Variants in LINGO2 observed in about 807,000 individuals in gnomAD.
The protein encoded by LINGO2 is leucine-rich repeat and immunoglobulin-like domain-containing nogo receptor-interacting protein 2.
Under a neutral mutation model 30.6 loss-of-function variants are expected in LINGO2, and 14 were observed. The observed-to-expected ratio is 0.46, with a 90% CI of 0.30 to 0.72. LINGO2 has a LOEUF of 0.72. Ranked by LOEUF, LINGO2 falls within the 30% of genes least tolerant of loss-of-function variation. The probability of loss-of-function intolerance (pLI) is 0.07; values close to 1 mark genes in which losing one functional copy is unlikely to be tolerated. For missense variants in LINGO2, 729 were observed against 751.7 expected (o/e 0.97, Z 0.35); for synonymous variants, 317 against 288.5 (o/e 1.10, Z -1.00).
chr9:28,793,439 G>C, the LINGO2 span, among the ~76,000 whole-genome samples: 1 of 152,118 alleles, frequency 6.6e-6, no homozygotes, highest in Non-Finnish European at 1.5e-5. Flanking sequence ...TCTGCCTTTT[G>C]CGGAGAGTTG....
At chr9:28,593,141 A>T (rs1825003929) in intron 1 of LINGO2, among the ~76,000 whole-genome samples, 1 of 152,140 alleles carries the variant, frequency 6.6e-6, no homozygotes, top group Non-Finnish European at 1.5e-5. Flanking sequence ...TCAAGAAGTC[A>T]GTTGATTCGA....
At chr9:28,515,363 C>T (rs944361853) in intron 1 of LINGO2, among the ~76,000 whole-genome samples, 27 of 152,172 alleles carry the variant, frequency 1.8e-4, no homozygotes, top group East Asian at 9.7e-4. Context: ...CCCACCACCA[C>T]GCCTGGCTAA....
At chr9:27,999,158 C>A (rs1821816176) in intron 5 of LINGO2, among the ~76,000 whole-genome samples, 1 of 151,484 alleles carries the variant, frequency 6.6e-6, no homozygotes, top group African/African-American at 2.4e-5. Flanking sequence ...GGTTAGTGCA[C>A]ATAACTAAAA....
the LINGO2 span, among the ~76,000 whole-genome samples, chr9:29,213,502 C>G: frequency 6.6e-6 from 1 of 152,060 alleles, no homozygotes; most frequent in Non-Finnish European, 1.5e-5. Flanking sequence ...GGCGGCGGCG[C>G]CAGGTGAGGA....
the LINGO2 span, among the ~76,000 whole-genome samples, chr9:28,730,994 AT>A: frequency 8.9e-4 from 131 of 146,466 alleles, no homozygotes; most frequent in Non-Finnish European, 9.4e-4. Flanking sequence ...ACTCCTGAGA[AT>A]TTTTTTTTTT....
the LINGO2 span, among the ~76,000 whole-genome samples, chr9:29,131,070 T>G: frequency 1.3e-5 from 2 of 152,154 alleles, no homozygotes; most frequent in Non-Finnish European, 2.9e-5. Context: ...TGGATAATAG[T>G]AGCCATTTTT....
chr9:28,594,061 A>G lies in LINGO2; in HGVS notation c.-365+76139T>C, dbSNP rs192864939. Among the ~76,000 whole-genome samples the G allele has an allele frequency of 3.0e-4, 45 of 152,194 alleles. 2 individuals are homozygous for G. The highest frequency in any genetic ancestry group is 8.5e-4 in the Admixed American group (13 of 15,250). On this transcript the variant is annotated intron_variant, in intron 1 of 5. Coordinates refer to ENST00000379992, the Ensembl canonical transcript of LINGO2. ...GATTTTTCAAAATAAAAAAAAACAC[A>G]AAAGTACCCGTGTTATAATATTACA...
At chr9:28,936,117 T>C in the LINGO2 span, among the ~76,000 whole-genome samples, 1 of 152,082 alleles carries the variant, frequency 6.6e-6, no homozygotes, top group African/African-American at 2.4e-5. Context: ...ACAAACAAAT[T>C]TTCACAATCA....
Position 28,626,374 on chromosome 9 carries a change from T to C in LINGO2, c.-365+43826A>G, listed in dbSNP as rs187876017. Among the ~76,000 whole-genome samples the C allele has an allele frequency of 6.2e-4, 95 of 152,270 alleles. 1 individual carries two copies. In the South Asian group the frequency reaches 9.9e-3, roughly 16 times the overall value. ...GCATTTTCATTTCATTAATAAAGTA[T>C]TCTTTAAGGAAAAAAATGTTTACTT... On this transcript the variant is annotated intron_variant, in intron 1 of 5. Coordinates refer to ENST00000379992, the Ensembl canonical transcript of LINGO2.
intron 4 of LINGO2, among the ~76,000 whole-genome samples, chr9:28,045,513 A>G (rs1824379945): frequency 6.6e-6 from 1 of 152,178 alleles, no homozygotes; most frequent in South Asian, 2.1e-4. Flanking sequence ...CAGAATTTTA[A>G]AAGTGATTAT....
intron 3 of LINGO2, among the ~76,000 whole-genome samples, chr9:28,349,830 C>G (rs1158832065): frequency 3.3e-5 from 5 of 152,116 alleles, no homozygotes; most frequent in East Asian, 3.9e-4. Flanking sequence ...CCAGAAGAGA[C>G]TGGGGGCCGA....
chr9:29,159,052 G>A, the LINGO2 span, among the ~76,000 whole-genome samples: 3 of 152,082 alleles, frequency 2.0e-5, no homozygotes, highest in East Asian at 1.9e-4. Flanking sequence ...GTTCGACTCT[G>A]AGCTAGAGTC....
chr9:28,977,543 C>T, the LINGO2 span, among the ~76,000 whole-genome samples: 2 of 152,004 alleles, frequency 1.3e-5, no homozygotes, highest in Non-Finnish European at 2.9e-5. Context: ...TTTCTGTTAA[C>T]TATTTATAGT....
chr9:29,110,722 G>T, the LINGO2 span, among the ~76,000 whole-genome samples: 1 of 150,370 alleles, frequency 6.7e-6, no homozygotes, highest in Non-Finnish European at 1.5e-5. Context: ...ACGGAGTCTC[G>T]CTCTGTCCCC....
intron 5 of LINGO2, among the ~76,000 whole-genome samples, chr9:27,973,853 C>T (rs1365502752): frequency 2.0e-5 from 3 of 152,114 alleles, no homozygotes; most frequent in Non-Finnish European, 4.4e-5. Flanking sequence ...TATCAAAAGC[C>T]AGATAAAGTG....
At chr9:28,049,602 CTTA>C (rs982672087) in intron 4 of LINGO2, among the ~76,000 whole-genome samples, 7 of 150,552 alleles carry the variant, frequency 4.6e-5, no homozygotes, top group Non-Finnish European at 8.8e-5. Flanking sequence ...CGCTTATTAG[CTTA>C]TTATTCAAAT....
chr9:28,243,951 G>C (rs1821904654), intron 4 of LINGO2, among the ~76,000 whole-genome samples: 1 of 152,122 alleles, frequency 6.6e-6, no homozygotes, highest in African/African-American at 2.4e-5. Context: ...TTCAGGACTT[G>C]AACTCTGCTC....
Position 28,373,484 on chromosome 9 carries a change from G to A in LINGO2, c.-278-616C>T, listed in dbSNP as rs112942281. ...TCAAACTGCAAGCCACTTTTGTCAG[G>A]GAAATTGTAATTATGATAATGCTGT... is the stretch of plus-strand genomic sequence containing the variant. On this transcript the variant is annotated intron_variant, in intron 2 of 5. Coordinates refer to ENST00000379992, the Ensembl canonical transcript of LINGO2. Among the ~76,000 whole-genome samples the A allele has an allele frequency of 1.2e-3, 182 of 152,124 alleles. 2 individuals carry two copies. The highest frequency in any genetic ancestry group is 4.2e-3 in the African/African-American group (176 of 41,490).
the LINGO2 span, among the ~76,000 whole-genome samples, chr9:28,863,398 C>T: frequency 6.6e-6 from 1 of 152,064 alleles, no homozygotes; most frequent in African/African-American, 2.4e-5. Context: ...GAGACAGAGA[C>T]AGCAACTATG....
Sources: gnomAD v4.1 joint callset for allele counts (sites outside exome capture counted in the v4.1 genomes callset) on GRCh38, gnomAD v4.1.1 for gene constraint, MANE v1.5 for transcripts, NCBI Gene and HGNC (gene_info 2026-07-23, HGNC 2026-07-21) for gene names.